CPED1: variants seen among roughly 807,000 people sequenced by gnomAD.
CPED1 encodes the protein cadherin-like and PC-esterase domain-containing protein 1.
Under a neutral mutation model 128.2 loss-of-function variants are expected in CPED1, and 114 were observed. The ratio of observed to expected loss-of-function variants is 0.89; its 90% CI spans 0.76 to 1.04. The LOEUF (loss-of-function observed/expected upper bound fraction) is 1.04. Ranked by LOEUF, CPED1 falls within the 50% of genes least tolerant of loss-of-function variation. CPED1 has a pLI of 0.00. For missense variants in CPED1, 1,211 were observed against 1,207.1 expected (o/e 1.00, Z -0.05); for synonymous variants, 462 against 426.7 (o/e 1.08, Z -1.02).
chr7:121,163,386 G>C (rs1236095405), intron 16 of CPED1, among the ~76,000 whole-genome samples: 1 of 152,140 alleles, frequency 6.6e-6, no homozygotes, highest in Admixed American at 6.6e-5. Context: ...AGCTATTGTG[G>C]GAAGACTATA....
At chr7:121,052,862 C>T (rs1429080051) in intron 4 of CPED1, among the ~76,000 whole-genome samples, 2 of 152,094 alleles carry the variant, frequency 1.3e-5, no homozygotes, top group African/African-American at 2.4e-5. Flanking sequence ...GCTGGGATTA[C>T]AGGCATGCAT....
At chr7:121,053,659 T>A (rs1406749604) in intron 4 of CPED1, among the ~76,000 whole-genome samples, 2 of 152,224 alleles carry the variant, frequency 1.3e-5, no homozygotes, top group Non-Finnish European at 2.9e-5. Context: ...GATCCAGAGG[T>A]GGATCTTGCT....
At chr7:121,035,312 A>C (rs1203913831) in intron 3 of CPED1, among the ~76,000 whole-genome samples, 1 of 152,230 alleles carries the variant, frequency 6.6e-6, no homozygotes, top group South Asian at 2.1e-4. Flanking sequence ...TTCTAGAAGG[A>C]AAAATAATTA....
intron 22 of CPED1, among the ~76,000 whole-genome samples, chr7:121,278,124 A>AG (rs1002670417): frequency 6.6e-5 from 10 of 152,266 alleles, no homozygotes; most frequent in African/African-American, 2.4e-4. Context: ...GAAGTGAGAA[A>AG]GGGGGCTCAT....
At chr7:121,076,198 T>C (rs533025578) in intron 5 of CPED1, among the ~76,000 whole-genome samples, 99 of 152,302 alleles carry the variant, frequency 6.5e-4, no homozygotes, top group Non-Finnish European at 1.0e-3. Flanking sequence ...GATTTCTCTA[T>C]GTATGCATTA....
At chr7:120,990,290 T>C (rs915676587) in intron 2 of CPED1, among the ~76,000 whole-genome samples, 1 of 152,194 alleles carries the variant, frequency 6.6e-6, no homozygotes, top group African/African-American at 2.4e-5. Context: ...CATTCCAGAC[T>C]CAAAGATTCT....
At chr7:120,989,984 T>G (rs1161782983) in intron 2 of CPED1, 114 bp downstream of exon 2, 1 of 1,265,398 alleles carries the variant, frequency 7.9e-7, no homozygotes. Context: ...GGATCCAGAG[T>G]GTAAACAGCC....
rs1329741776 is a variant in CPED1, at chr7:121,188,364, CAT to C, written c.2055+46224_2055+46225del. Among the ~76,000 whole-genome samples, 8 of 152,194 alleles carry C rather than the reference CAT, an allele frequency of 5.3e-5. 1 individual carries two copies. The highest frequency in any genetic ancestry group is 5.2e-4 in the Admixed American group (8 of 15,282). ...ATAGCCATGCAATGTGAAATAAGCA[CAT>C]GATAGAGAATGGGGTATCTGTCCCT... On this transcript the variant is annotated intron_variant, in intron 16 of 22. Transcript: ENST00000310396.
In CPED1 at chr7:121,297,328, CCTAA is replaced by C. The variant is rs1219557117; in HGVS notation, c.*1679_*1682del. The C allele has an allele frequency of 6.6e-6, 1 of 151,940 alleles. No individual in the cohort carries two copies. Among genetic ancestry groups the C allele is most frequent in the African/African-American group, 2.4e-5 (1 of 41,368 alleles). The allele number at this position is 151,940 out of a possible 1,614,324, so 9.4% of individuals were successfully genotyped here. ...AGTATTTCATATAATTTTCTTTAGA[CCTAA>C]CTGTTACCATCTGACTGAGGTTACT... On this transcript the variant is annotated 3_prime_UTR_variant, in exon 23 of 23. Transcript: ENST00000310396.
At chr7:121,291,152 A>T (rs960269757) in intron 22 of CPED1, among the ~76,000 whole-genome samples, 1 of 152,006 alleles carries the variant, frequency 6.6e-6, no homozygotes, top group African/African-American at 2.4e-5. Context: ...CCTCTGTTCC[A>T]TTGGTCTATG....
intron 16 of CPED1, among the ~76,000 whole-genome samples, chr7:121,178,705 G>A (rs1796837062): frequency 1.3e-5 from 2 of 152,052 alleles, no homozygotes; most frequent in South Asian, 2.1e-4. Flanking sequence ...GATGACTGAG[G>A]GTGAATGGTG....
intron 4 of CPED1, among the ~76,000 whole-genome samples, chr7:121,048,295 C>T (rs961963885): frequency 6.6e-6 from 1 of 152,208 alleles, no homozygotes; most frequent in African/African-American, 2.4e-5. Flanking sequence ...CTGACTCATT[C>T]TTTTCCTCAG....
At position 121,181,618 on chromosome 7, in the gene CPED1, A is replaced by G. The variant is rs552657755; in HGVS notation, c.2055+39477A>G. Among the ~76,000 whole-genome samples the G allele has an allele frequency of 4.6e-5, 7 of 152,252 alleles. No individual in the cohort carries two copies. In the South Asian group the frequency reaches 1.4e-3, roughly 32 times the overall value. ...AGATGGTCATCATTTCTTAACCAAA[A>G]TATCACCTTGACTAATATTAAAAGT... On this transcript the variant is annotated intron_variant, in intron 16 of 22. Coordinates refer to ENST00000310396, the MANE Select transcript of CPED1 (RefSeq NM_024913.5).
chr7:121,234,351 A>G (rs1411097274), intron 16 of CPED1, among the ~76,000 whole-genome samples: 1 of 152,086 alleles, frequency 6.6e-6, no homozygotes, highest in African/African-American at 2.4e-5. Context: ...CATTATTTGC[A>G]TGGGTATATA....
At position 121,284,665 on chromosome 7, in the gene CPED1, A is replaced by G. The variant is rs115621922; in HGVS notation, c.2869-10775A>G. Among the ~76,000 whole-genome samples, 482 of 152,340 alleles carry G rather than the reference A, an allele frequency of 3.2e-3. 5 individuals are homozygous for G. Among genetic ancestry groups the G allele is most frequent in the African/African-American group, 0.011 (462 of 41,574 alleles). On this transcript the variant is annotated intron_variant, in intron 22 of 22. Coordinates refer to ENST00000310396, the MANE Select transcript of CPED1 (RefSeq NM_024913.5). ...CCCAAAATCCAGCGGGGCAATCATT[A>G]AACCTTAAAGTTACAAAATGATCTC... is the stretch of plus-strand genomic sequence containing the variant.
At chr7:121,141,695 G>A (rs1178985958) in intron 15 of CPED1, among the ~76,000 whole-genome samples, 1 of 152,048 alleles carries the variant, frequency 6.6e-6, no homozygotes, top group Non-Finnish European at 1.5e-5. Context: ...TATTAAATGA[G>A]ATAATGTGTG....
At chr7:121,037,653 T>A (rs569386367) in intron 3 of CPED1, among the ~76,000 whole-genome samples, 1 of 152,142 alleles carries the variant, frequency 6.6e-6, no homozygotes, top group Non-Finnish European at 1.5e-5. Flanking sequence ...GTTAGGATTA[T>A]TTTTTCTAGT....
At chr7:121,273,696 A>G (rs936265674) in intron 22 of CPED1, among the ~76,000 whole-genome samples, 20 of 152,160 alleles carry the variant, frequency 1.3e-4, no homozygotes, top group African/African-American at 4.8e-4. Flanking sequence ...AGTACAGAAC[A>G]TGACATTTTA....
At chr7:121,281,483 G>A (rs1672549829) in intron 22 of CPED1, among the ~76,000 whole-genome samples, 1 of 152,082 alleles carries the variant, frequency 6.6e-6, no homozygotes, top group Non-Finnish European at 1.5e-5. Context: ...AAATGTCTCT[G>A]TACCCACGTT....
Sources: allele counts gnomAD v4.1 joint callset (sites outside exome capture counted in the v4.1 genomes callset), GRCh38; gene constraint gnomAD v4.1.1; transcripts MANE v1.5; gene names NCBI Gene and HGNC (gene_info 2026-07-23, HGNC 2026-07-21).